FRYL: variants seen among roughly 807,000 people sequenced by gnomAD.
FRYL encodes FRY like transcription coactivator, also known as protein furry homolog-like.
FRYL carries 150 observed loss-of-function variants against 351.2 expected under a neutral mutation model. The observed-to-expected ratio is 0.43, with a 90% CI of 0.37 to 0.49. The LOEUF (loss-of-function observed/expected upper bound fraction) is 0.49, where lower values mean the gene tolerates loss of function less well. Among genes scored for constraint, FRYL ranks in the 20% least tolerant of loss-of-function variants. The pLI, the probability that FRYL is intolerant of heterozygous loss-of-function variation, is 0.00. For synonymous variants in FRYL, 1,153 were observed against 1,257.1 expected, an observed-to-expected ratio of 0.92 and a Z score of 1.75; for missense variants, 3,036 against 3,619.3, an observed-to-expected ratio of 0.84 and a Z score of 4.13.
Position 48,561,633 on chromosome 4 carries a change from G to C in FRYL, c.3700C>G (p.Leu1234Val), listed in dbSNP as rs529372825. 7 of 1,603,636 alleles carry C rather than the reference G, an allele frequency of 4.4e-6. No homozygotes were observed. In the East Asian group the frequency reaches 1.3e-4, roughly 31 times the overall value. The change falls in exon 33 of 64, where the codon CTG becomes GTG. Residue 1234 changes from leucine (L) to valine (V), a missense_variant. By Grantham distance (32) the Leu-to-Val change is conservative (BLOSUM62 1). This residue lies in a region of FRYL where 1,987 missense variants were observed against 2,311.7 expected (regional missense o/e 0.86). Transcript: ENST00000358350. ...GCATAGCGAAACATCTTCGGTTCCA[G>C]AATCTATAGGAATGTGATTCCATCA... ...YEVAMQLLQI[L>V]EPKMFRYAHK...
chr4:48,723,206 G>T (rs1769686746), intron 1 of FRYL, among the ~76,000 whole-genome samples: 1 of 152,018 alleles, frequency 6.6e-6, no homozygotes, highest in Non-Finnish European at 1.5e-5. Flanking sequence ...GCAGTGGTGT[G>T]ATCACAGCTC....
intron 3 of FRYL, among the ~76,000 whole-genome samples, chr4:48,677,745 TAAA>T (rs1332464291): frequency 6.6e-6 from 1 of 152,208 alleles, no homozygotes; most frequent in African/African-American, 2.4e-5. Context: ...AATTAGTAAT[TAAA>T]GAAGTTGGAA....
intron 1 of FRYL, among the ~76,000 whole-genome samples, chr4:48,722,668 T>A (rs992318163): frequency 6.6e-6 from 1 of 152,242 alleles, no homozygotes; most frequent in Non-Finnish European, 1.5e-5. Context: ...AATAATGTTA[T>A]CTTCACTGAT....
intron 30 of FRYL, 133 bp from the exon 31 acceptor site, chr4:48,564,235 C>T: frequency 2.0e-6 from 2 of 993,036 alleles, no homozygotes; most frequent in South Asian, 2.1e-5. Flanking sequence ...TCCTTTTGTT[C>T]ACCTCCCTCT....
At chr4:48,675,309 C>T (rs1221729161) in intron 3 of FRYL, among the ~76,000 whole-genome samples, 2 of 152,206 alleles carry the variant, frequency 1.3e-5, no homozygotes, top group African/African-American at 2.4e-5. Flanking sequence ...AAGGCTGGAG[C>T]CCACTCCCTC....
chr4:48,768,237 C>G (rs1775158607), intron 1 of FRYL, among the ~76,000 whole-genome samples: 1 of 152,152 alleles, frequency 6.6e-6, no homozygotes, highest in African/African-American at 2.4e-5. Context: ...CAGATCTCAT[C>G]TGAATTGCGA....
At chr4:48,743,436 T>C (rs1490930865) in intron 1 of FRYL, among the ~76,000 whole-genome samples, 2 of 152,150 alleles carry the variant, frequency 1.3e-5, no homozygotes, top group African/African-American at 4.8e-5. Flanking sequence ...CTGATCAAGT[T>C]GAACCTCTTG....
intron 1 of FRYL, among the ~76,000 whole-genome samples, chr4:48,740,119 T>C (rs1221719861): frequency 6.6e-6 from 1 of 151,978 alleles, no homozygotes; most frequent in Non-Finnish European, 1.5e-5. Context: ...CAGATTAAGA[T>C]AGCTGGACTG....
At chr4:48,537,592 C>A (rs900770493) in intron 47 of FRYL, among the ~76,000 whole-genome samples, 1 of 152,170 alleles carries the variant, frequency 6.6e-6, no homozygotes, top group African/African-American at 2.4e-5. Flanking sequence ...TAATTCACAT[C>A]CTGCAGGTTG....
chr4:48,557,340 G>T, intron 34 of FRYL, 113 bp downstream of exon 34: 2 of 1,387,020 alleles, frequency 1.4e-6, no homozygotes, highest in Non-Finnish European at 2.0e-6. Context: ...CTTTTTTAAA[G>T]AAAGATATTT....
chr4:48,654,872 T>A (rs1758492690), intron 3 of FRYL, among the ~76,000 whole-genome samples: 1 of 152,212 alleles, frequency 6.6e-6, no homozygotes, highest in South Asian at 2.1e-4. Context: ...TATGTCATTA[T>A]CAGAAGAAAA....
At chr4:48,705,456 A>G (rs1767227506) in intron 2 of FRYL, among the ~76,000 whole-genome samples, 1 of 151,178 alleles carries the variant, frequency 6.6e-6, no homozygotes, top group East Asian at 1.9e-4. Context: ...AGTGATCCCC[A>G]GAATATAACA....
At chr4:48,689,691 A>C (rs1765502551) in intron 2 of FRYL, among the ~76,000 whole-genome samples, 1 of 152,182 alleles carries the variant, frequency 6.6e-6, no homozygotes, top group South Asian at 2.1e-4. Flanking sequence ...TTCCAGTGGG[A>C]GCTTAAGCCT....
intron 56 of FRYL, among the ~76,000 whole-genome samples, chr4:48,514,298 A>G (rs1332662566): frequency 1.3e-5 from 2 of 152,178 alleles, no homozygotes; most frequent in Non-Finnish European, 1.5e-5. Context: ...TATAAAAAAC[A>G]TAATATTGAA....
At position 48,717,219 on chromosome 4, in the gene FRYL, A is replaced by T. The variant is rs185765507; in HGVS notation, c.-383-6521T>A. ...GTGCACCAGCATGGCACATGTATAC[A>T]TATGTAACTAACCTGCACATTGTGC... On this transcript the variant is annotated intron_variant, in intron 1 of 63. Transcript: ENST00000358350. Among the ~76,000 whole-genome samples the T allele has an allele frequency of 1.7e-3, 252 of 151,262 alleles. 8 individuals carry two copies. Among genetic ancestry groups the T allele is most frequent in the Non-Finnish European group, 3.2e-3 (215 of 67,688 alleles).
Position 48,510,848 on chromosome 4 carries a change from A to G in FRYL, c.8282T>C (p.Val2761Ala). 2 of 1,612,432 alleles carry G rather than the reference A, an allele frequency of 1.2e-6. No individual in the cohort carries two copies. The highest frequency in any genetic ancestry group is 1.7e-6 in the Non-Finnish European group (2 of 1,179,230). ...MLCSECPTVF[V>A]DAETLMSCGL... ...GTAAAAACTTACTGTTTCAGCATCCACAAAGACTGTTGGGCATTCTGAACA... is the reference window on the plus strand; with the variant it reads ...GTAAAAACTTACTGTTTCAGCATCCGCAAAGACTGTTGGGCATTCTGAACA... The change falls in exon 58 of 64, where the codon GTG (valine) becomes GCG (alanine). Residue 2761 changes from valine (V) to alanine (A), a missense_variant. Physicochemically the swap from Val to Ala is moderately conservative, Grantham distance 64 (BLOSUM62 0). Around this residue, in one of 7 missense-constraint regions of FRYL, gnomAD observed 1,987 missense variants for 2,311.7 expected, o/e 0.86. Coordinates refer to ENST00000358350, the MANE Select transcript of FRYL (RefSeq NM_015030.2).
At position 48,540,344 on chromosome 4, in the gene FRYL, T is replaced by C. The variant is rs1199045014; in HGVS notation, c.6295+9A>G. The C allele has an allele frequency of 6.2e-7, 1 of 1,607,100 alleles. No homozygotes were observed. The highest frequency in any genetic ancestry group is 8.5e-7 in the Non-Finnish European group (1 of 1,175,612). On this transcript the variant is annotated intron_variant, in intron 46 of 63. Transcript: ENST00000358350. ...ATGCAAAGTGCTGGTGCAATTATATTAACATCACCTGACAATTGGGAAGGA... is the reference window on the plus strand; with the variant it reads ...ATGCAAAGTGCTGGTGCAATTATATCAACATCACCTGACAATTGGGAAGGA...
At chr4:48,514,581 G>T (rs1047998376) in intron 56 of FRYL, among the ~76,000 whole-genome samples, 1 of 152,098 alleles carries the variant, frequency 6.6e-6, no homozygotes, top group Admixed American at 6.5e-5. Flanking sequence ...TAATTGCTTC[G>T]CCTATTATAG....
intron 1 of FRYL, among the ~76,000 whole-genome samples, chr4:48,711,909 C>G (rs1041655950): frequency 2.0e-5 from 3 of 152,116 alleles, no homozygotes; most frequent in Non-Finnish European, 2.9e-5. Context: ...TTGCGGTTCA[C>G]GAAAAACCGC....
Sources: allele counts gnomAD v4.1 joint callset (sites outside exome capture counted in the v4.1 genomes callset), GRCh38; gene constraint gnomAD v4.1.1; regional missense constraint gnomAD v4.1.1; transcripts MANE v1.5; gene names NCBI Gene and HGNC (gene_info 2026-07-23, HGNC 2026-07-21).